NAV2: variants seen among roughly 807,000 people sequenced by gnomAD.
NAV2 encodes neuron navigator 2, also known as helicase, APC down-regulated 1.
NAV2 carries 54 observed loss-of-function variants against 223.2 expected under a neutral mutation model. That is an observed-to-expected ratio of 0.24 (90% CI 0.19 to 0.30). The LOEUF (loss-of-function observed/expected upper bound fraction) is 0.30. Among genes scored for constraint, NAV2 ranks in the 10% least tolerant of loss-of-function variants. NAV2 has a pLI of 1.00. For synonymous variants in NAV2, 1,279 were observed against 1,239.3 expected, an observed-to-expected ratio of 1.03 and a Z score of -0.67; for missense variants, 2,806 against 3,147.5, an observed-to-expected ratio of 0.89 and a Z score of 2.60.
chr11:19,576,028 C>G (rs2045562006), intron 1 of NAV2, among the ~76,000 whole-genome samples: 1 of 152,066 alleles, frequency 6.6e-6, no homozygotes, highest in South Asian at 2.1e-4. Flanking sequence ...ATCTGAGGCT[C>G]AAAGGAGTGA....
chr11:20,002,385 A>G (rs542770563), intron 11 of NAV2, among the ~76,000 whole-genome samples: 61 of 152,194 alleles, frequency 4.0e-4, no homozygotes, highest in African/African-American at 1.3e-3. Flanking sequence ...CCCTCTCTCT[A>G]TCTCAGAGAT....
At chr11:20,072,415 A>G (rs567484446) in intron 22 of NAV2, among the ~76,000 whole-genome samples, 40 of 151,750 alleles carry the variant, frequency 2.6e-4, no homozygotes, top group African/African-American at 9.5e-4. Context: ...TTGGCTAGGC[A>G]GACTCTTTTT....
intron 1 of NAV2, among the ~76,000 whole-genome samples, chr11:19,399,946 C>G (rs150484218): frequency 6.6e-6 from 1 of 152,262 alleles, no homozygotes; most frequent in Admixed American, 6.5e-5. Flanking sequence ...GAAGTGATGA[C>G]GCTTCAGTTA....
At chr11:19,939,240 T>C (rs1392888743) in intron 7 of NAV2, among the ~76,000 whole-genome samples, 3 of 152,140 alleles carry the variant, frequency 2.0e-5, no homozygotes, top group Non-Finnish European at 4.4e-5. Flanking sequence ...AGGAGAATTT[T>C]GGGGTGGGGG....
intron 1 of NAV2, among the ~76,000 whole-genome samples, chr11:19,453,632 C>T (rs1851862194): frequency 1.3e-5 from 2 of 152,214 alleles, no homozygotes; most frequent in African/African-American, 4.8e-5. Context: ...GCTCCTGAAC[C>T]TGCAGGGGCT....
At chr11:19,841,247 T>A (rs1355504012) in intron 2 of NAV2, among the ~76,000 whole-genome samples, 1 of 152,218 alleles carries the variant, frequency 6.6e-6, no homozygotes, top group Non-Finnish European at 1.5e-5. Flanking sequence ...TTATGGTAAT[T>A]AGATTTTTAA....
intron 1 of NAV2, among the ~76,000 whole-genome samples, chr11:19,363,156 G>A (rs1854057837): frequency 6.6e-6 from 1 of 152,000 alleles, no homozygotes; most frequent in Non-Finnish European, 1.5e-5. Context: ...GACAGGCCCT[G>A]GTGTGTGATG....
At chr11:19,923,925 G>T (rs190573381) in intron 6 of NAV2, among the ~76,000 whole-genome samples, 1 of 152,304 alleles carries the variant, frequency 6.6e-6, no homozygotes, top group Admixed American at 6.5e-5. Flanking sequence ...TGAGGGTGAT[G>T]TGGCTTCAAG....
At chr11:20,084,724 A>G (rs2060309084) in intron 26 of NAV2, among the ~76,000 whole-genome samples, 1 of 152,202 alleles carries the variant, frequency 6.6e-6, no homozygotes, top group Non-Finnish European at 1.5e-5. Flanking sequence ...GTAAAGAACC[A>G]GTTGCCTGTG....
intron 1 of NAV2, among the ~76,000 whole-genome samples, chr11:19,589,071 G>T: frequency 6.6e-6 from 1 of 152,152 alleles, no homozygotes; most frequent in East Asian, 1.9e-4. Context: ...CTCTGTGCTG[G>T]TTCCTGGGTG....
intron 10 of NAV2, among the ~76,000 whole-genome samples, chr11:19,963,741 T>A (rs964017290): frequency 9.9e-5 from 15 of 152,180 alleles, no homozygotes; most frequent in Admixed American, 2.6e-4. Flanking sequence ...AACACTTGTG[T>A]CAACATTCCC....
At chr11:19,395,572 A>T (rs1380823973) in intron 1 of NAV2, among the ~76,000 whole-genome samples, 1 of 152,224 alleles carries the variant, frequency 6.6e-6, no homozygotes, top group African/African-American at 2.4e-5. Context: ...TGAACCATGC[A>T]GGCGGCTGAC....
chr11:19,960,589 T>TTTTC (rs1555170128), intron 10 of NAV2, among the ~76,000 whole-genome samples: 1 of 141,630 alleles, frequency 7.1e-6, no homozygotes, highest in African/African-American at 2.6e-5. Context: ...TTTTTTAAAA[T>TTTTC]TTTATTTATT....
chr11:19,429,373 G>A (rs1189878430), intron 1 of NAV2, among the ~76,000 whole-genome samples: 2 of 152,174 alleles, frequency 1.3e-5, no homozygotes, highest in Non-Finnish European at 2.9e-5. Flanking sequence ...GGGCTATTAC[G>A]GGAGTGTCCA....
chr11:20,077,902 C>A, intron 23 of NAV2, 91 bp from the exon 24 acceptor site: 1 of 995,346 alleles, frequency 1.0e-6, no homozygotes, highest in Non-Finnish European at 1.5e-6. Context: ...TACTTCATTC[C>A]CGCTCCTCCT....
intron 36 of NAV2, among the ~76,000 whole-genome samples, chr11:20,108,370 C>A (rs1255421914): frequency 6.6e-6 from 1 of 152,196 alleles, no homozygotes. Flanking sequence ...CATCAGCACC[C>A]CTACCCTCTT....
chr11:20,105,000 C>T (rs556601590), intron 34 of NAV2: 1 of 153,012 alleles, frequency 6.5e-6, no homozygotes, highest in East Asian at 1.9e-4. Flanking sequence ...CAGTCTCAGC[C>T]CAGACATCCC....
intron 2 of NAV2, among the ~76,000 whole-genome samples, chr11:19,834,072 A>C (rs2152914279): frequency 6.6e-6 from 1 of 152,302 alleles, no homozygotes; most frequent in Non-Finnish European, 1.5e-5. Flanking sequence ...ACAGGTCCCT[A>C]CACTCAAAGG....
chr11:19,937,594 G>C (rs544411999), intron 7 of NAV2, among the ~76,000 whole-genome samples: 4 of 152,304 alleles, frequency 2.6e-5, no homozygotes, highest in African/African-American at 9.6e-5. Flanking sequence ...TGAGGATGCT[G>C]AGATTCAAAG....
Sources: allele counts gnomAD v4.1 joint callset (sites outside exome capture counted in the v4.1 genomes callset), GRCh38; gene constraint gnomAD v4.1.1; transcripts MANE v1.5; gene names NCBI Gene and HGNC (gene_info 2026-07-23, HGNC 2026-07-21).